Variants in GAD2 observed in about 807,000 individuals in gnomAD.
The protein encoded by GAD2 is glutamate decarboxylase 2, also known as 65 kDa glutamic acid decarboxylase.
In GAD2, 22 loss-of-function variants were observed where a neutral mutation model predicts 80.1. That is an observed-to-expected ratio of 0.27 (90% confidence interval 0.20 to 0.39). The LOEUF is 0.39. Among genes scored for constraint, GAD2 ranks in the 10% least tolerant of loss-of-function variants. The pLI, the probability that GAD2 is intolerant of heterozygous loss-of-function variation, is 1.00. For missense variants in GAD2, 624 were observed against 738.4 expected (o/e 0.85, Z 1.80); for synonymous variants, 274 against 256.9 (o/e 1.07, Z -0.64).
chr10:26,285,378 C>T (rs1291634857), intron 12 of GAD2, among the ~76,000 whole-genome samples: 1 of 152,142 alleles, frequency 6.6e-6, no homozygotes, highest in Non-Finnish European at 1.5e-5. Context: ...CTTCTTTTGT[C>T]GTGAGTCACA....
intron 7 of GAD2, among the ~76,000 whole-genome samples, chr10:26,244,755 G>A (rs1844784123): frequency 6.6e-6 from 1 of 152,158 alleles, no homozygotes; most frequent in African/African-American, 2.4e-5. Flanking sequence ...TAATGGGCAC[G>A]GAATTTTAGT....
In GAD2 at chr10:26,303,897, A is replaced by G. The variant is rs1050082134; in HGVS notation, c.*2936A>G. ...CATGTGTTTCTGTAAAAGCTTGTAC[A>G]ATATATTATTGATATGTCTTTTTCT... On this transcript the variant is annotated 3_prime_UTR_variant, in exon 16 of 16. Transcript: ENST00000376261. 3 of 152,218 alleles carry G rather than the reference A, an allele frequency of 2.0e-5. No individual in the cohort carries two copies. Among genetic ancestry groups the G allele is most frequent in the East Asian group, 3.8e-4 (2 of 5,204 alleles). The allele number at this position is 152,218 out of a possible 1,614,324, so 9.4% of individuals were successfully genotyped here.
chr10:26,250,241 C>T (rs984525925), intron 8 of GAD2, among the ~76,000 whole-genome samples: 1 of 152,138 alleles, frequency 6.6e-6, no homozygotes, highest in African/African-American at 2.4e-5. Context: ...GTCTTGAACT[C>T]CTAGCCTCAA....
intron 13 of GAD2, among the ~76,000 whole-genome samples, chr10:26,287,707 A>G (rs970606646): frequency 7.2e-5 from 11 of 152,192 alleles, no homozygotes; most frequent in African/African-American, 2.7e-4. Context: ...CTGGTATACA[A>G]GGCATGAGAA....
chr10:26,291,079 T>C (rs1272823307), intron 13 of GAD2, among the ~76,000 whole-genome samples: 1 of 152,250 alleles, frequency 6.6e-6, no homozygotes, highest in East Asian at 1.9e-4. Flanking sequence ...CATTCCCATC[T>C]GATCAGAGAG....
chr10:26,237,778 C>G (rs1485050748), intron 7 of GAD2, among the ~76,000 whole-genome samples: 2 of 152,078 alleles, frequency 1.3e-5, no homozygotes, highest in African/African-American at 2.4e-5. Flanking sequence ...GATGCTGAAG[C>G]AGGTGGATCA....
At chr10:26,296,564 G>A (rs903865598) in intron 15 of GAD2, among the ~76,000 whole-genome samples, 4 of 152,222 alleles carry the variant, frequency 2.6e-5, no homozygotes, top group African/African-American at 9.7e-5. Context: ...GATGATGAAT[G>A]CTTGGGGCAC....
intron 7 of GAD2, among the ~76,000 whole-genome samples, chr10:26,230,022 T>A (rs1449657209): frequency 1.3e-5 from 2 of 150,690 alleles, no homozygotes; most frequent in Non-Finnish European, 2.9e-5. Context: ...ACAGAAAATT[T>A]AAAAAAAATT....
In GAD2 at chr10:26,217,653, C is replaced by T. The variant is rs199826387; in HGVS notation, c.120C>T (p.Ile40=). The change falls in exon 2 of 16, where the codon ATC becomes ATT. Residue 40 remains isoleucine, a synonymous_variant. Transcript: ENST00000376261. This position sits in a 1 kb window ranked among gnomAD's most constrained non-coding sequence, Gnocchi z 4.9. ...CQVAQKFTGG[I]GNKLCALLYG... is the part of the protein sequence containing the mutation. ...TGGCTCAGAAGTTCACGGGCGGCATCGGAAACAAACTGTGCGGTGAGTGCC... is the reference window on the plus strand; with the variant it reads ...TGGCTCAGAAGTTCACGGGCGGCATTGGAAACAAACTGTGCGGTGAGTGCC... 1.2e-5 allele frequency: 19 copies of T among 1,613,682 alleles called. No homozygotes were observed. The African/African-American group carries it at 1.7e-4, about 15-fold the overall frequency.
At chr10:26,259,149 C>G (rs1234742834) in intron 8 of GAD2, among the ~76,000 whole-genome samples, 1 of 152,164 alleles carries the variant, frequency 6.6e-6, no homozygotes, top group African/African-American at 2.4e-5. Context: ...AGGAATAACG[C>G]TGCAATGAAT....
intron 10 of GAD2, among the ~76,000 whole-genome samples, chr10:26,271,376 G>GA (rs57200346): frequency 1.4e-4 from 21 of 151,786 alleles, no homozygotes; most frequent in Non-Finnish European, 2.2e-4. Flanking sequence ...ATTTTCCAAT[G>GA]AAAAAAAATG....
chr10:26,275,293 T>C (rs1276481809), intron 11 of GAD2, among the ~76,000 whole-genome samples: 1 of 152,240 alleles, frequency 6.6e-6, no homozygotes, highest in Non-Finnish European at 1.5e-5. Context: ...ACTTTACCTT[T>C]GATGCCACTT....
intron 15 of GAD2, among the ~76,000 whole-genome samples, chr10:26,294,784 C>T (rs1380657542): frequency 2.6e-5 from 4 of 152,096 alleles, no homozygotes; most frequent in East Asian, 3.9e-4. Context: ...ATAAGATGAT[C>T]GGTGCAGGCA....
At chr10:26,300,683 C>G (rs1589156650) in intron 15 of GAD2, 105 bp from the exon 16 acceptor site, 2 of 983,984 alleles carry the variant, frequency 2.0e-6, no homozygotes, top group East Asian at 4.8e-5. Context: ...CAATAAGGTT[C>G]TGACTGTTGA....
At chr10:26,255,509 C>T (rs1844931560) in intron 8 of GAD2, among the ~76,000 whole-genome samples, 1 of 151,344 alleles carries the variant, frequency 6.6e-6, no homozygotes, top group South Asian at 2.1e-4. Flanking sequence ...TCCAGGGTGG[C>T]TTTTGGCTTT....
chr10:26,270,264 G>A (rs1451355865), intron 9 of GAD2, among the ~76,000 whole-genome samples: 1 of 152,140 alleles, frequency 6.6e-6, no homozygotes, highest in African/African-American at 2.4e-5. Flanking sequence ...GATTTATGAA[G>A]TTCAGAGGCC....
rs902123454 is a variant in GAD2 at position 26,262,561 on chromosome 10, TA to T, written c.921-6549del. ...CTTTTTATTTAGTTTTCTAATTCACTAAAAAAAAATTCCTTGTTTCTGCTTA... is the reference window on the plus strand; with the variant it reads ...CTTTTTATTTAGTTTTCTAATTCACTAAAAAAAATTCCTTGTTTCTGCTTA... On this transcript the variant is annotated intron_variant, in intron 8 of 15. Coordinates refer to ENST00000376261, the MANE Select transcript of GAD2 (RefSeq NM_001134366.2). Among the ~76,000 whole-genome samples the T allele has an allele frequency of 2.9e-3, 443 of 151,250 alleles. 3 individuals are homozygous for T. The highest frequency in any genetic ancestry group is 0.01 in the African/African-American group (429 of 41,400).
intron 7 of GAD2, among the ~76,000 whole-genome samples, chr10:26,233,368 T>G (rs1361604117): frequency 6.6e-6 from 1 of 152,160 alleles, no homozygotes; most frequent in Non-Finnish European, 1.5e-5. Context: ...AATTTGTGAC[T>G]CTCTCTTTCT....
At chr10:26,273,579 A>G in intron 10 of GAD2, 57 bp from the exon 11 acceptor site, 1 of 1,416,692 alleles carries the variant, frequency 7.1e-7, no homozygotes, top group Non-Finnish European at 1.0e-6. Context: ...ACACCAGACT[A>G]TAGAAATCTA....
Sources: allele counts gnomAD v4.1 joint callset (sites outside exome capture counted in the v4.1 genomes callset), GRCh38; gene constraint gnomAD v4.1.1; non-coding constraint Gnocchi (gnomAD v3.1); transcripts MANE v1.5; gene names NCBI Gene and HGNC (gene_info 2026-07-23, HGNC 2026-07-21).